The following FARP2 variants were observed in gnomAD, a reference collection of about 807,000 sequenced individuals.
FARP2 encodes FERM, ARHGEF and pleckstrin domain-containing protein 2.
A neutral mutation model predicts 130.5 loss-of-function variants in FARP2; 111 were observed. The ratio of observed to expected loss-of-function variants is 0.85; its 90% confidence interval spans 0.73 to 1.00. The LOEUF (loss-of-function observed/expected upper bound fraction) is 1.00, where lower values mean the gene tolerates loss of function less well. FARP2 is among the 50% of genes least tolerant of loss of function. The pLI is 0.00. For missense variants in FARP2, 1,385 were observed against 1,346.3 expected, an observed-to-expected ratio of 1.03 and a Z score of -0.45; for synonymous variants, 504 against 516.9, an observed-to-expected ratio of 0.98 and a Z score of 0.34.
chr2:241,357,962 G>T (rs1252513506), intron 1 of FARP2, among the ~76,000 whole-genome samples: 1 of 152,212 alleles, frequency 6.6e-6, no homozygotes, highest in Non-Finnish European at 1.5e-5. Context: ...GGCCGAGGCA[G>T]GCAGATTGCA....
At chr2:241,464,929 C>T (rs769555719) in intron 17 of FARP2, among the ~76,000 whole-genome samples, 5 of 152,002 alleles carry the variant, frequency 3.3e-5, no homozygotes, top group South Asian at 2.1e-4. Context: ...CCCTCCTCAC[C>T]GCATCCCTCA....
chr2:241,373,137 C>T lies in FARP2; in HGVS notation c.30C>T (p.Val10=), dbSNP rs771118145. MGEIEGTYR[V]LQTAGMRLGA... ...GGGAGATAGAAGGAACATACAGAGT[C>T]CTGCAGACTGCAGGGATGCGCTTGG... The change falls in exon 2 of 27, where the codon GTC becomes GTT. Residue 10 remains valine, a synonymous_variant. Transcript: ENST00000264042. The T allele has an allele frequency of 1.6e-5, 24 of 1,489,316 alleles. No homozygotes were observed. The highest frequency in any genetic ancestry group is 2.1e-5 in the Admixed American group (1 of 47,990). The allele number at this position is 1,489,316 out of a possible 1,614,324, so 92.3% of individuals were successfully genotyped here.
chr2:241,444,816 A>ACTGACT (rs2063475471), intron 13 of FARP2: 1 of 152,194 alleles, frequency 6.6e-6, no homozygotes, highest in East Asian at 1.9e-4. Flanking sequence ...AAAATATACA[A>ACTGACT]AGCAGGAATG....
At chr2:241,401,839 A>G (rs1171884937) in intron 2 of FARP2, among the ~76,000 whole-genome samples, 2 of 151,332 alleles carry the variant, frequency 1.3e-5, no homozygotes, top group Non-Finnish European at 1.5e-5. Flanking sequence ...CTGGAGTGCA[A>G]TGGCGCAATC....
chr2:241,393,129 C>T (rs1031138653), intron 2 of FARP2, among the ~76,000 whole-genome samples: 3 of 151,738 alleles, frequency 2.0e-5, no homozygotes, highest in African/African-American at 7.3e-5. Context: ...AAGCAATTCT[C>T]CTGTCTCAGC....
chr2:241,453,080 A>G (rs985794855), intron 13 of FARP2, among the ~76,000 whole-genome samples: 3 of 152,166 alleles, frequency 2.0e-5, no homozygotes, highest in East Asian at 1.9e-4. Flanking sequence ...CTGTAATCCC[A>G]GCACTCTGGG....
chr2:241,440,525 C>A (rs950877527), intron 12 of FARP2, among the ~76,000 whole-genome samples: 1 of 152,078 alleles, frequency 6.6e-6, no homozygotes, highest in African/African-American at 2.4e-5. Context: ...TGTGGCCACT[C>A]CTGTGCTTTT....
At chr2:241,465,810 G>T (rs929303699) in intron 17 of FARP2, 57 of 1,546,882 alleles carry the variant, frequency 3.7e-5, no homozygotes, top group Non-Finnish European at 5.0e-5. Flanking sequence ...ACCCAATCCT[G>T]CGAGACTCTG....
chr2:241,470,128 G>A (rs1214405828), intron 18 of FARP2, among the ~76,000 whole-genome samples: 1 of 152,226 alleles, frequency 6.6e-6, no homozygotes, highest in Admixed American at 6.5e-5. Flanking sequence ...GGCCTTTGGT[G>A]TGCAAATGTT....
At chr2:241,478,972 A>G (rs1559807980) in intron 19 of FARP2, 1 of 438,496 alleles carries the variant, frequency 2.3e-6, no homozygotes, top group Non-Finnish European at 4.3e-6. Flanking sequence ...AGATTTTGCA[A>G]GAACAAGGTT....
intron 9 of FARP2, among the ~76,000 whole-genome samples, chr2:241,433,167 T>C (rs2063135608): frequency 1.3e-5 from 2 of 151,768 alleles, no homozygotes; most frequent in South Asian, 4.2e-4. Flanking sequence ...TTCGAGATGA[T>C]AGGGAAAGTT....
At chr2:241,467,147 CA>C (rs1487326274) in intron 17 of FARP2, among the ~76,000 whole-genome samples, 1 of 151,990 alleles carries the variant, frequency 6.6e-6, no homozygotes, top group Non-Finnish European at 1.5e-5. Context: ...CCCAGGTACT[CA>C]GGGGGCTGAA....
At chr2:241,466,665 C>A (rs1258025488) in intron 17 of FARP2, 2 of 947,260 alleles carry the variant, frequency 2.1e-6, no homozygotes, top group African/African-American at 1.9e-5. Context: ...GCGGGCCAGC[C>A]CCGCCTTCAC....
At chr2:241,460,162 T>A (rs2063976335) in intron 14 of FARP2, among the ~76,000 whole-genome samples, 1 of 152,144 alleles carries the variant, frequency 6.6e-6, no homozygotes, top group Non-Finnish European at 1.5e-5. Flanking sequence ...ACATGTAACA[T>A]CCCTGTCCCT....
At chr2:241,432,013 T>C (rs2063105445) in intron 9 of FARP2, among the ~76,000 whole-genome samples, 1 of 151,918 alleles carries the variant, frequency 6.6e-6, no homozygotes, top group African/African-American at 2.4e-5. Flanking sequence ...AGAGACAGGG[T>C]TTCTCCATGT....
At chr2:241,398,023 G>A (rs1435331410) in intron 2 of FARP2, among the ~76,000 whole-genome samples, 1 of 151,504 alleles carries the variant, frequency 6.6e-6, no homozygotes, top group Non-Finnish European at 1.5e-5. Context: ...AGTAGAGATG[G>A]GGTTTCACCA....
chr2:241,438,560 G>A (rs1189930788), intron 12 of FARP2, among the ~76,000 whole-genome samples: 1 of 151,214 alleles, frequency 6.6e-6, no homozygotes, highest in African/African-American at 2.4e-5. Flanking sequence ...GTCTCAAAAA[G>A]TAAAGCTCAT....
chr2:241,474,836 T>A (rs903104612), intron 18 of FARP2, among the ~76,000 whole-genome samples: 4 of 146,032 alleles, frequency 2.7e-5, no homozygotes, highest in Admixed American at 6.9e-5. Flanking sequence ...AATAAATAAA[T>A]AAAAAGAAAG....
intron 26 of FARP2, 137 bp downstream of exon 26, chr2:241,493,581 A>G: frequency 1.3e-6 from 1 of 749,206 alleles, no homozygotes; most frequent in Admixed American, 2.7e-5. Flanking sequence ...GCATTTCCAA[A>G]AAACAGCAAT....
Sources: allele counts gnomAD v4.1 joint callset (sites outside exome capture counted in the v4.1 genomes callset), GRCh38; gene constraint gnomAD v4.1.1; transcripts MANE v1.5; gene names NCBI Gene and HGNC (gene_info 2026-07-23, HGNC 2026-07-21).